ZNF804B: variants seen among roughly 807,000 people sequenced by gnomAD.
ZNF804B encodes zinc finger 804B.
A neutral mutation model predicts 101.4 loss-of-function variants in ZNF804B; 80 were observed. That is an observed-to-expected ratio of 0.79 (90% CI 0.66 to 0.95). ZNF804B has a LOEUF of 0.95. Ranked by LOEUF, ZNF804B falls within the 40% of genes least tolerant of loss-of-function variation. The pLI is 0.00. For synonymous variants in ZNF804B, 622 were observed against 558.8 expected, an observed-to-expected ratio of 1.11 and a Z score of -1.59; for missense variants, 1,673 against 1,561.9, an observed-to-expected ratio of 1.07 and a Z score of -1.20.
intron 1 of ZNF804B, among the ~76,000 whole-genome samples, chr7:89,088,914 C>T (rs991053036): frequency 2.6e-5 from 4 of 151,952 alleles, no homozygotes; most frequent in African/African-American, 9.7e-5. Flanking sequence ...CGTCCTGCTA[C>T]AGAACCATGG....
rs190488454 is a variant in ZNF804B, at chr7:88,797,321, C to T, written c.108+37237C>T. ...GGATTATAATAAGGGTCTCTACCCACAGTATTTCTAGATTTCTCCACCCCA... is the reference window on the plus strand; with the variant it reads ...GGATTATAATAAGGGTCTCTACCCATAGTATTTCTAGATTTCTCCACCCCA... On this transcript the variant is annotated intron_variant, in intron 1 of 3. Coordinates refer to ENST00000333190, the MANE Select transcript of ZNF804B (RefSeq NM_181646.5). 9.9e-5 allele frequency among the ~76,000 whole-genome samples: 15 copies of T among 152,224 alleles called. No individual in the cohort carries two copies. In the East Asian group the frequency reaches 2.7e-3, roughly 27 times the overall value.
At chr7:88,901,418 GTTTA>G (rs879278319) in intron 1 of ZNF804B, among the ~76,000 whole-genome samples, 5 of 151,840 alleles carry the variant, frequency 3.3e-5, no homozygotes, top group Non-Finnish European at 7.4e-5. Context: ...TAGGATGAGT[GTTTA>G]TTTCTTATTC....
intron 1 of ZNF804B, among the ~76,000 whole-genome samples, chr7:89,083,476 T>A (rs1418136295): frequency 2.6e-5 from 4 of 151,722 alleles, no homozygotes; most frequent in African/African-American, 9.7e-5. Context: ...AATAAAAGAC[T>A]AAGGCAAGAA....
intron 2 of ZNF804B, among the ~76,000 whole-genome samples, chr7:89,313,223 C>A (rs2115950228): frequency 6.6e-6 from 1 of 152,288 alleles, no homozygotes; most frequent in Admixed American, 6.5e-5. Flanking sequence ...AGTCACTTAA[C>A]CTTCTATGTG....
chr7:88,906,734 G>A (rs1792475878), intron 1 of ZNF804B, among the ~76,000 whole-genome samples: 2 of 151,962 alleles, frequency 1.3e-5, no homozygotes, highest in Admixed American at 1.3e-4. Context: ...TGTTCTATAG[G>A]TGTCTACTAG....
At chr7:88,854,575 CTTCCTTCCTTCCCTTTA>C in intron 1 of ZNF804B, among the ~76,000 whole-genome samples, 1 of 131,368 alleles carries the variant, frequency 7.6e-6, no homozygotes, top group African/African-American at 2.9e-5. Flanking sequence ...TCCTTCCTTC[CTTCCTTCCTTCCCTTTA>C]TTCCTTCCCT....
intron 1 of ZNF804B, among the ~76,000 whole-genome samples, chr7:89,168,167 C>T (rs902940211): frequency 6.6e-6 from 1 of 152,132 alleles, no homozygotes; most frequent in African/African-American, 2.4e-5. Flanking sequence ...CTGTATTTCT[C>T]TTTGTAGCCT....
At chr7:89,177,026 T>G (rs987734729) in intron 1 of ZNF804B, among the ~76,000 whole-genome samples, 3 of 152,138 alleles carry the variant, frequency 2.0e-5, no homozygotes, top group Non-Finnish European at 2.9e-5. Flanking sequence ...GTCTTCTCCT[T>G]TTTTTGTTAG....
In ZNF804B at chr7:88,842,987, T is replaced by G. The variant is rs552286534; in HGVS notation, c.108+82903T>G. Reference sequence around the variant, plus strand: ...ATAATAATTTCTATAATCCTTAAATTATAGGAAAAAAATTAGAATTTATTT... The same window carrying G: ...ATAATAATTTCTATAATCCTTAAATGATAGGAAAAAAATTAGAATTTATTT... On this transcript the variant is annotated intron_variant, in intron 1 of 3. Transcript: ENST00000333190. Among the ~76,000 whole-genome samples the G allele has an allele frequency of 2.6e-5, 4 of 152,170 alleles. No individual in the cohort carries two copies. In the South Asian group the frequency reaches 8.3e-4, roughly 32 times the overall value.
At chr7:89,294,946 T>A (rs1404042) in intron 2 of ZNF804B, among the ~76,000 whole-genome samples, 11,823 of 152,198 alleles carry the variant, frequency 0.078, 523 homozygotes, top group Middle Eastern at 0.17. Flanking sequence ...ATAATATTTA[T>A]GTGTTTACTT....
At chr7:88,991,170 T>C (rs932336238) in intron 1 of ZNF804B, among the ~76,000 whole-genome samples, 10 of 152,156 alleles carry the variant, frequency 6.6e-5, no homozygotes, top group African/African-American at 2.2e-4. Flanking sequence ...TTAACACTGA[T>C]TTGATTTTCC....
At chr7:88,858,121 C>T (rs1304778521) in intron 1 of ZNF804B, among the ~76,000 whole-genome samples, 1 of 152,046 alleles carries the variant, frequency 6.6e-6, no homozygotes, top group Admixed American at 6.6e-5. Context: ...CGGCACCTGG[C>T]CTGCATTTCT....
intron 2 of ZNF804B, among the ~76,000 whole-genome samples, chr7:89,295,149 C>T (rs1212474440): frequency 6.6e-6 from 1 of 152,084 alleles, no homozygotes; most frequent in African/African-American, 2.4e-5. Flanking sequence ...GTATTATTAT[C>T]TGGGGATTCT....
intron 1 of ZNF804B, among the ~76,000 whole-genome samples, chr7:89,113,072 G>C (rs185912837): frequency 8.3e-4 from 126 of 152,262 alleles, no homozygotes; most frequent in Non-Finnish European, 1.1e-3. Flanking sequence ...AAGATGTTAG[G>C]AAATATAAAA....
In ZNF804B at chr7:89,100,102, A is replaced by C. The variant is rs141948121; in HGVS notation, c.109-118053A>C. Among the ~76,000 whole-genome samples the C allele has an allele frequency of 2.6e-5, 4 of 152,290 alleles. No individual in the cohort carries two copies. In the East Asian group the frequency reaches 7.7e-4, roughly 29 times the overall value. ...CAGTTTTTCCCTTGGGAAAAATGAC[A>C]AGAAACCATATTTTTTAGACTAATG... On this transcript the variant is annotated intron_variant, in intron 1 of 3. Coordinates refer to ENST00000333190, the MANE Select transcript of ZNF804B (RefSeq NM_181646.5).
chr7:88,869,873 C>G (rs776930763), intron 1 of ZNF804B, among the ~76,000 whole-genome samples: 4 of 152,170 alleles, frequency 2.6e-5, no homozygotes, highest in Non-Finnish European at 5.9e-5. Flanking sequence ...GGCTTCTTAC[C>G]TAGGTTTCCC....
chr7:88,884,037 C>A (rs1304280016), intron 1 of ZNF804B, among the ~76,000 whole-genome samples: 1 of 151,882 alleles, frequency 6.6e-6, no homozygotes, highest in Non-Finnish European at 1.5e-5. Context: ...CTAATGAAGG[C>A]AGATGTCTAA....
intron 1 of ZNF804B, among the ~76,000 whole-genome samples, chr7:89,131,523 G>A (rs1281990432): frequency 6.6e-6 from 1 of 151,902 alleles, no homozygotes; most frequent in Admixed American, 6.6e-5. Context: ...AGCCACATTT[G>A]AAGGCTATAA....
rs1312777449 is a variant in ZNF804B, at chr7:89,220,030, TAC to T, written c.249+1736_249+1737del. 1.7e-4 allele frequency among the ~76,000 whole-genome samples: 23 copies of T among 138,510 alleles called. 1 individual carries two copies. Among genetic ancestry groups the T allele is most frequent in the East Asian group, 6.1e-4 (3 of 4,924 alleles). The allele number at this position is 138,510 out of a possible 152,430, so 90.9% of individuals were successfully genotyped here. A position where few individuals can be genotyped will look rare whatever the true frequency, so the allele number is the denominator to read the frequency against. ...ACATATATGTGTGTATACATATATA[TAC>T]GCACATATATGTGCATATATACATA... On this transcript the variant is annotated intron_variant, in intron 2 of 3. Transcript: ENST00000333190.
Sources: gnomAD v4.1 joint callset for allele counts (sites outside exome capture counted in the v4.1 genomes callset) on GRCh38, gnomAD v4.1.1 for gene constraint, MANE v1.5 for transcripts, NCBI Gene and HGNC (gene_info 2026-07-23, HGNC 2026-07-21) for gene names.